The following PDCD11 variants were observed in gnomAD, a reference collection of about 807,000 sequenced individuals.
PDCD11 encodes the protein programmed cell death 11, also known as protein RRP5 homolog.
A neutral mutation model predicts 198.9 loss-of-function variants in PDCD11; 97 were observed. The ratio of observed to expected loss-of-function variants is 0.49; its 90% CI spans 0.41 to 0.58. The LOEUF is 0.58. Among genes scored for constraint, PDCD11 ranks in the 20% least tolerant of loss-of-function variants. The pLI, the probability that PDCD11 is intolerant of heterozygous loss-of-function variation, is 0.00. For missense variants in PDCD11, 2,102 were observed against 2,312.7 expected, an observed-to-expected ratio of 0.91 and a Z score of 1.87; for synonymous variants, 893 against 918.0, an observed-to-expected ratio of 0.97 and a Z score of 0.49.
intron 15 of PDCD11, among the ~76,000 whole-genome samples, 154 bp downstream of exon 15, chr10:103,418,788 A>T (rs959607756): frequency 6.6e-6 from 1 of 152,316 alleles, no homozygotes; most frequent in African/African-American, 2.4e-5. Context: ...AAGTAAGAGC[A>T]GGCCTGAGTA....
At chr10:103,427,263 T>C in intron 20 of PDCD11, 66 bp from the exon 21 acceptor site, 1 of 1,430,090 alleles carries the variant, frequency 7.0e-7, no homozygotes. Flanking sequence ...TAGGGAGAAA[T>C]CCTGACCTAC....
intron 3 of PDCD11, 118 bp from the exon 4 acceptor site, chr10:103,403,000 G>A (rs191319306): frequency 1.0e-6 from 1 of 954,752 alleles, no homozygotes; most frequent in Non-Finnish European, 1.6e-6. Flanking sequence ...GAATTATAGG[G>A]CGTAAGCCAC....
At chr10:103,408,075 T>G (rs955380911) in intron 7 of PDCD11, among the ~76,000 whole-genome samples, 1 of 152,194 alleles carries the variant, frequency 6.6e-6, no homozygotes, top group African/African-American at 2.4e-5. Flanking sequence ...TTTGTTTTTG[T>G]CATTTGCGAA....
At position 103,414,345 on chromosome 10, in the gene PDCD11, A is replaced by G. The variant is rs762488719; in HGVS notation, c.1371+15A>G. On this transcript the variant is annotated intron_variant, in intron 11 of 35. Transcript: ENST00000369797. ...CAGTGGTAAAGGTAAGACCTCAAGC[A>G]TATAATTAGGTACTGCCTCACCATC... 2.5e-6 allele frequency: 4 copies of G among 1,600,604 alleles called. No homozygotes were observed. The highest frequency in any genetic ancestry group is 1.7e-4 in the Middle Eastern group (1 of 6,036).
Position 103,415,111 on chromosome 10 carries a change from CGG to C in PDCD11, c.1479_1480del (p.Lys495GlufsTer7), listed in dbSNP as rs1446381058. The C allele has an allele frequency of 6.2e-7, 1 of 1,613,926 alleles. No homozygotes were observed. Among genetic ancestry groups the C allele is most frequent in the African/African-American group, 1.3e-5 (1 of 74,862 alleles). ...CTGGCTGACATCCTGATGAAGAATC[CGG>C]AGAAGAAGTACCACATCGGGGATGA... On this transcript the variant is annotated frameshift_variant, in exon 12 of 36. Transcript: ENST00000369797. LOFTEE classifies it high-confidence loss of function.
chr10:103,422,715 A>G (rs2031508174), intron 17 of PDCD11, among the ~76,000 whole-genome samples: 1 of 152,248 alleles, frequency 6.6e-6, no homozygotes, highest in South Asian at 2.1e-4. Context: ...GGGACAGTGA[A>G]AATTCAGAAA....
intron 27 of PDCD11, 78 bp downstream of exon 27, chr10:103,438,886 C>T (rs1384581552): frequency 1.4e-5 from 20 of 1,472,744 alleles, no homozygotes; most frequent in South Asian, 5.9e-5. Flanking sequence ...CTGTGTTCCT[C>T]GGTCAACTTC....
Position 103,434,314 on chromosome 10 carries a change from G to T in PDCD11, c.3631G>T (p.Asp1211Tyr). The T allele has an allele frequency of 6.2e-7, 1 of 1,613,284 alleles. No individual in the cohort carries two copies. The highest frequency in any genetic ancestry group is 8.5e-7 in the Non-Finnish European group (1 of 1,179,176). The change falls in exon 24 of 36, where the codon GAT (aspartate) becomes TAT (tyrosine). Residue 1211 changes from aspartate (D) to tyrosine (Y), a missense_variant. Coordinates refer to ENST00000369797, the MANE Select transcript of PDCD11 (RefSeq NM_014976.2). ...QALRATVVGP[D>Y]SSKTLLCLSL... ...CCTGAGGGCCACCGTTGTTGGCCCA[G>T]ATTCCTCCAAGACCCTCTTATGTCT...
At chr10:103,441,717 G>C (rs993764296) in intron 30 of PDCD11, 109 bp from the exon 31 acceptor site, 20 of 965,506 alleles carry the variant, frequency 2.1e-5, no homozygotes, top group Non-Finnish European at 2.7e-5. Context: ...GAGGAGAGGA[G>C]GGGTCTCTGG....
At position 103,404,662 on chromosome 10, in the gene PDCD11, T is replaced by G. The variant is rs1029009912; in HGVS notation, c.403-360T>G. Among the ~76,000 whole-genome samples the G allele has an allele frequency of 3.1e-4, 47 of 152,178 alleles. 2 individuals carry two copies. The highest frequency in any genetic ancestry group is 4.4e-5 in the Non-Finnish European group (3 of 68,042). On this transcript the variant is annotated intron_variant, in intron 4 of 35. Coordinates refer to ENST00000369797, the MANE Select transcript of PDCD11 (RefSeq NM_014976.2). ...CAAAACTGACCACTGGATTTAACAA[T>G]ATGGAACTCATTGGTGATTCTATGG...
chr10:103,411,435 G>A (rs146269137), intron 8 of PDCD11, among the ~76,000 whole-genome samples: 2 of 152,190 alleles, frequency 1.3e-5, no homozygotes, highest in African/African-American at 4.8e-5. Context: ...GCACAACCAC[G>A]GTTAATTGCA....
intron 7 of PDCD11, 64 bp downstream of exon 7, chr10:103,406,854 A>C (rs977997003): frequency 1.5e-6 from 2 of 1,334,004 alleles, no homozygotes; most frequent in African/African-American, 3.0e-5. Context: ...TATTAAATGC[A>C]TAAAGTCTAA....
At chr10:103,422,959 A>T in intron 17 of PDCD11, 29 bp from the exon 18 acceptor site, 6 of 1,466,436 alleles carry the variant, frequency 4.1e-6, no homozygotes, top group Non-Finnish European at 5.4e-6. Context: ...TCATGGTACT[A>T]ATCCGTGTTT....
intron 17 of PDCD11, 119 bp from the exon 18 acceptor site, chr10:103,422,869 A>T: frequency 1.0e-6 from 1 of 960,966 alleles, no homozygotes; most frequent in Non-Finnish European, 1.4e-6. Context: ...AAGTGATTTT[A>T]CCTTGTCAGT....
At chr10:103,416,362 T>G (rs1339269008) in intron 12 of PDCD11, 129 bp from the exon 13 acceptor site, 2 of 829,836 alleles carry the variant, frequency 2.4e-6, no homozygotes, top group South Asian at 1.6e-5. Context: ...CTGAGATGAT[T>G]AGAGGAAAAG....
intron 20 of PDCD11, among the ~76,000 whole-genome samples, chr10:103,426,057 G>A (rs1052829816): frequency 2.0e-5 from 3 of 152,224 alleles, no homozygotes; most frequent in Non-Finnish European, 4.4e-5. Context: ...CTGTGACCAT[G>A]TGGCAGTAGC....
At chr10:103,428,389 G>C (rs891974307) in intron 21 of PDCD11, among the ~76,000 whole-genome samples, 3 of 151,760 alleles carry the variant, frequency 2.0e-5, no homozygotes, top group Non-Finnish European at 4.4e-5. Context: ...TTCAAAGTAA[G>C]CCCTAAACTA....
Position 103,433,929 on chromosome 10 carries a change from G to A in PDCD11, c.3475-19G>A. On this transcript the variant is annotated intron_variant, in intron 22 of 35. Coordinates refer to ENST00000369797, the MANE Select transcript of PDCD11 (RefSeq NM_014976.2). ...TTGTATTTGTATTTGCCCTACTCTG[G>A]TTCCTTTTTTTCCCTCAGTACAATG... 1.3e-6 allele frequency: 2 copies of A among 1,590,508 alleles called. No individual in the cohort carries two copies. The highest frequency in any genetic ancestry group is 1.1e-5 in the South Asian group (1 of 90,518).
intron 33 of PDCD11, among the ~76,000 whole-genome samples, 167 bp from the exon 34 acceptor site, chr10:103,443,748 C>T (rs2032486323): frequency 6.6e-6 from 1 of 152,182 alleles, no homozygotes; most frequent in Non-Finnish European, 1.5e-5. Flanking sequence ...TCACGGTGCC[C>T]TTCTGTGAGC....
Sources: allele counts gnomAD v4.1 joint callset (sites outside exome capture counted in the v4.1 genomes callset), GRCh38; gene constraint gnomAD v4.1.1; transcripts MANE v1.5; gene names NCBI Gene and HGNC (gene_info 2026-07-23, HGNC 2026-07-21).